The following NSD1 variants were observed in gnomAD, a reference collection of about 807,000 sequenced individuals.
NSD1 encodes the protein histone-lysine N-methyltransferase, H3 lysine-36 specific.
A neutral mutation model predicts 242.7 loss-of-function variants in NSD1; 26 were observed. The observed-to-expected ratio is 0.11, with a 90% CI of 0.08 to 0.15. The LOEUF (loss-of-function observed/expected upper bound fraction) is 0.15. Ranked by LOEUF, NSD1 falls within the 10% of genes least tolerant of loss-of-function variation. The pLI is 1.00. For missense variants in NSD1, 2,495 were observed against 3,272.8 expected, an observed-to-expected ratio of 0.76 and a Z score of 5.80; for synonymous variants, 1,106 against 1,178.1, an observed-to-expected ratio of 0.94 and a Z score of 1.25.
At chr5:177,282,425 C>A in intron 18 of NSD1, 40 bp from the exon 19 acceptor site, 2 of 1,267,800 alleles carry the variant, frequency 1.6e-6, no homozygotes, top group South Asian at 2.4e-5. Context: ...ATACCAGTGT[C>A]CTTTTTTGCC....
At chr5:177,286,354 A>G (rs961923615) in intron 20 of NSD1, among the ~76,000 whole-genome samples, 4 of 152,308 alleles carry the variant, frequency 2.6e-5, no homozygotes, top group Admixed American at 2.6e-4. Context: ...CACCAAGGAC[A>G]CTTGAGCATC....
chr5:177,160,162 A>G (rs1196596641), intron 2 of NSD1, among the ~76,000 whole-genome samples: 1 of 152,038 alleles, frequency 6.6e-6, no homozygotes, highest in East Asian at 1.9e-4. Flanking sequence ...AAGTGCTGGG[A>G]TTACAGGCAT....
chr5:177,172,574 C>G (rs899494295), intron 2 of NSD1, among the ~76,000 whole-genome samples: 1 of 152,158 alleles, frequency 6.6e-6, no homozygotes, highest in East Asian at 1.9e-4. Context: ...AACTAGCCTG[C>G]AGTCCAAATA....
In NSD1 at chr5:177,212,092, G is replaced by T; in HGVS notation, c.3693G>T (p.Gly1231=). Residue 1231 remains glycine (G), a synonymous_variant, in exon 5 of 23, where the codon GGG becomes GGT. Coordinates refer to ENST00000439151, the MANE Select transcript of NSD1 (RefSeq NM_022455.5). ...QNHADCLDSA[G]PRLNVCDKSS... is the part of the protein sequence containing the mutation. ...ATGCTGACTGCTTAGATTCAGCTGG[G>T]CCACGGTTAAATGTTTGTGATAAAT... is the stretch of plus-strand genomic sequence containing the variant. 6.2e-7 allele frequency: 1 copy of T among 1,614,098 alleles called. No homozygotes were observed.
rs1005369129 is a variant in NSD1 at position 177,207,098 on chromosome 5, T to G, written c.1237-2538T>G. 2.0e-5 allele frequency among the ~76,000 whole-genome samples: 3 copies of G among 151,344 alleles called. No homozygotes were observed. The South Asian group carries it at 6.3e-4, about 32-fold the overall frequency. On this transcript the variant is annotated intron_variant, in intron 4 of 22. Transcript: ENST00000439151. ...ATTACAGGCTTGCGCCACCACGCCC[T>G]GCTAATTTTTGTATTTTTAGTAGAG...
Position 177,273,720 on chromosome 5 carries a change from A to G in NSD1, c.5558A>G (p.Glu1853Gly). The G allele has an allele frequency of 6.2e-7, 1 of 1,613,958 alleles. No homozygotes were observed. Among genetic ancestry groups the G allele is most frequent in the South Asian group, 1.1e-5 (1 of 91,088 alleles). Reference sequence around the variant, plus strand: ...TTTGAGGAATTAAAGGCCCAAAAAGAGCTAAGACAGCTGCAGGAAGACCGA... The same window carrying G: ...TTTGAGGAATTAAAGGCCCAAAAAGGGCTAAGACAGCTGCAGGAAGACCGA... Reference protein sequence around the residue: ...ARFEELKAQKELRQLQEDRKN... With the variant: ...ARFEELKAQKGLRQLQEDRKN... The change falls in exon 17 of 23, where the codon GAG (glutamate) becomes GGG (glycine). Residue 1853 changes from glutamate to glycine, a missense_variant. Glu to Gly is a moderately conservative substitution (Grantham distance 98). Transcript: ENST00000439151.
At chr5:177,293,466 G>A (rs183152640) in intron 22 of NSD1, among the ~76,000 whole-genome samples, 1 of 152,098 alleles carries the variant, frequency 6.6e-6, no homozygotes. Flanking sequence ...TACAAATGGA[G>A]ATTGCAAAAA....
intron 2 of NSD1, among the ~76,000 whole-genome samples, chr5:177,191,040 C>T (rs933971290): frequency 1.0e-4 from 15 of 145,040 alleles, no homozygotes; most frequent in African/African-American, 2.1e-4. Context: ...GCTCTTGGCT[C>T]GCTGCAACCT....
Position 177,297,514 on chromosome 5 carries a change from G to A in NSD1, c.*2055G>A. ...TAGGTCATATGAGTAGGGTTTGCTTGGTGCCAGTCCTGTGCCCTTTTCTCT... is the reference window on the plus strand; with the variant it reads ...TAGGTCATATGAGTAGGGTTTGCTTAGTGCCAGTCCTGTGCCCTTTTCTCT... On this transcript the variant is annotated 3_prime_UTR_variant, in exon 23 of 23. Transcript: ENST00000439151. 1 of 232,272 alleles carries A rather than the reference G, an allele frequency of 4.3e-6. No homozygotes were observed. The highest frequency in any genetic ancestry group is 8.5e-6 in the Non-Finnish European group (1 of 117,570). 14.4% of individuals were successfully genotyped at this position (232,272 alleles called of 1,614,324 possible). A position where few individuals can be genotyped will look rare whatever the true frequency, so the allele number is the denominator to read the frequency against.
At chr5:177,177,979 C>T (rs755892284) in intron 2 of NSD1, among the ~76,000 whole-genome samples, 2 of 152,148 alleles carry the variant, frequency 1.3e-5, no homozygotes, top group South Asian at 2.1e-4. Context: ...ACTGCAACCT[C>T]CACCTTCCGG....
rs1765406159 is a variant in NSD1, at chr5:177,235,958, A to G, written c.3921+13A>G. 1.2e-6 allele frequency: 2 copies of G among 1,613,688 alleles called. No individual in the cohort carries two copies. The highest frequency in any genetic ancestry group is 3.3e-5 in the Admixed American group (2 of 59,996). ...GCAGGTGCACAAGGTATGTTGCAAA[A>G]TTTCAGCAAACTTTCACTGGTCCTT... On this transcript the variant is annotated intron_variant, in intron 6 of 22. Transcript: ENST00000439151.
chr5:177,208,066 G>T (rs2149840454), intron 4 of NSD1, among the ~76,000 whole-genome samples: 2 of 152,184 alleles, frequency 1.3e-5, no homozygotes, highest in Middle Eastern at 6.8e-3. Flanking sequence ...CCCCAGCAAT[G>T]ATCTGAATGT....
chr5:177,222,037 C>T (rs1417448218), intron 5 of NSD1, among the ~76,000 whole-genome samples: 1 of 152,176 alleles, frequency 6.6e-6, no homozygotes, highest in African/African-American at 2.4e-5. Context: ...TCTCGAACTC[C>T]TGATCTCAGG....
chr5:177,267,953 GT>G lies in NSD1; in HGVS notation c.5303+252del, dbSNP rs35703730. Reference sequence around the variant, plus strand: ...TTTTCTTTTGTGTATTTTGTGAAAAGTTTTTTTTTTTTTTTTTAAATGAAAA... The same window carrying G: ...TTTTCTTTTGTGTATTTTGTGAAAAGTTTTTTTTTTTTTTTTAAATGAAAA... On this transcript the variant is annotated intron_variant, in intron 15 of 22. Coordinates refer to ENST00000439151, the MANE Select transcript of NSD1 (RefSeq NM_022455.5). Among the ~76,000 whole-genome samples the G allele has an allele frequency of 0.8, 108,618 of 135,702 alleles. 43,409 individuals are homozygous for G. The highest frequency in any genetic ancestry group is 0.87 in the African/African-American group (31,486 of 36,256). The allele number at this position is 135,702 out of a possible 152,430, so 89.0% of individuals were successfully genotyped here. A position where few individuals can be genotyped will look rare whatever the true frequency, so the allele number is the denominator to read the frequency against.
At chr5:177,143,662 C>A (rs1040414581) in intron 2 of NSD1, among the ~76,000 whole-genome samples, 2 of 152,044 alleles carry the variant, frequency 1.3e-5, no homozygotes, top group Admixed American at 1.3e-4. Context: ...ACATCTCTGA[C>A]TGCATACTGC....
intron 2 of NSD1, among the ~76,000 whole-genome samples, chr5:177,182,336 C>T (rs201066753): frequency 6.6e-6 from 1 of 152,052 alleles, no homozygotes; most frequent in Non-Finnish European, 1.5e-5. Context: ...AACAAACAAA[C>T]AAAAAACAGA....
intron 2 of NSD1, among the ~76,000 whole-genome samples, chr5:177,143,896 C>G (rs934737301): frequency 6.6e-6 from 1 of 151,216 alleles, no homozygotes; most frequent in Non-Finnish European, 1.5e-5. Context: ...GTTGATTCTC[C>G]TGCCTCAGCC....
chr5:177,199,049 G>A (rs1381606152), intron 3 of NSD1, among the ~76,000 whole-genome samples: 1 of 152,208 alleles, frequency 6.6e-6, no homozygotes, highest in African/African-American at 2.4e-5. Flanking sequence ...TGGTGCGAAA[G>A]CGATACACAT....
At position 177,134,191 on chromosome 5, in the gene NSD1, G is replaced by A. The variant is rs1232865536; in HGVS notation, c.-18+239G>A. The A allele has an allele frequency of 5.3e-5, 8 of 151,166 alleles. No homozygotes were observed. The East Asian group carries it at 1.2e-3, about 23-fold the overall frequency. The allele number at this position is 151,166 out of a possible 1,614,324, so 9.4% of individuals were successfully genotyped here. On this transcript the variant is annotated intron_variant, in intron 1 of 22. Coordinates refer to ENST00000439151, the MANE Select transcript of NSD1 (RefSeq NM_022455.5). The surrounding 1 kb of genome is among the most constrained non-coding windows in gnomAD (Gnocchi z 4.2). ...GGGCTGCCGCGAACTTCCTCCCGGC[G>A]CGGCCCGTGCCCCGCCGGCCGCCTG...
Sources: gnomAD v4.1 joint callset for allele counts (sites outside exome capture counted in the v4.1 genomes callset) on GRCh38, gnomAD v4.1.1 for gene constraint, Gnocchi (gnomAD v3.1) non-coding constraint, MANE v1.5 for transcripts, NCBI Gene and HGNC (gene_info 2026-07-23, HGNC 2026-07-21) for gene names.